Variants in CACNA1I observed in about 807,000 individuals in gnomAD.
CACNA1I encodes the protein calcium voltage-gated channel subunit alpha1 I.
Under a neutral mutation model 201.6 loss-of-function variants are expected in CACNA1I, and 74 were observed. That is an observed-to-expected ratio of 0.37 (90% CI 0.30 to 0.45). The LOEUF (loss-of-function observed/expected upper bound fraction) is 0.45, where lower values mean the gene tolerates loss of function less well. Among genes scored for constraint, CACNA1I ranks in the 20% least tolerant of loss-of-function variants. CACNA1I has a pLI of 1.00. For missense variants in CACNA1I, 2,346 were observed against 3,138.1 expected (o/e 0.75, Z 6.03); for synonymous variants, 1,431 against 1,345.2 (o/e 1.06, Z -1.40).
chr22:39,588,914 T>C (rs558863840), intron 1 of CACNA1I, among the ~76,000 whole-genome samples: 6 of 152,346 alleles, frequency 3.9e-5, no homozygotes, highest in Non-Finnish European at 7.3e-5. Context: ...CCAGCAGAGA[T>C]CCCTCCATGC....
Position 39,634,641 on chromosome 22 carries a change from C to T in CACNA1I, c.657C>T (p.Val219=). ...LGNVLLLCFF[V]FFIFGIIGVQ... is the part of the protein sequence containing the mutation. The stretch of plus-strand genomic sequence containing the variant: ...ATGTCCTGCTGCTCTGCTTCTTTGT[C>T]TTCTTCATCTTTGGCATCATAGGTG... Residue 219 remains valine, a synonymous_variant, in exon 5 of 37, where the codon GTC becomes GTT. Transcript: ENST00000402142. 6.2e-7 allele frequency: 1 copy of T among 1,613,984 alleles called. No homozygotes were observed. Among genetic ancestry groups the T allele is most frequent in the Non-Finnish European group, 8.5e-7 (1 of 1,179,890 alleles).
At chr22:39,577,772 G>C (rs116501250) in intron 1 of CACNA1I, among the ~76,000 whole-genome samples, 130 of 152,292 alleles carry the variant, frequency 8.5e-4, no homozygotes, top group Middle Eastern at 3.4e-3. Context: ...GCTCCTTTAG[G>C]GTTGGCGTTA....
At chr22:39,591,216 A>G (rs1049064134) in intron 1 of CACNA1I, among the ~76,000 whole-genome samples, 3 of 145,978 alleles carry the variant, frequency 2.1e-5, no homozygotes, top group Non-Finnish European at 3.0e-5. Context: ...CTGGAGTGCA[A>G]TGGCGCGATC....
rs1220436758 is a variant in CACNA1I, at chr22:39,665,923, C to T, written c.4021C>T (p.Arg1341Cys). ...KFYHCLGVDT[R>C]NITNRSDCMA... ...CTACCACTGTCTGGGCGTGGACACC[C>T]GCAACATCACCAACCGCTCGGACTG... Residue 1341 changes from arginine (R) to cysteine (C), a missense_variant, in exon 23 of 37, where the codon CGC (arginine) becomes TGC (cysteine). This residue lies in a region of CACNA1I where 228 missense variants were observed against 395.7 expected (regional missense o/e 0.58). Transcript: ENST00000402142. This position sits in a 1 kb window ranked among gnomAD's most constrained non-coding sequence, Gnocchi z 5.5. 6 of 1,613,812 alleles carry T rather than the reference C, an allele frequency of 3.7e-6. No homozygotes were observed. Among genetic ancestry groups the T allele is most frequent in the African/African-American group, 1.3e-5 (1 of 75,020 alleles).
chr22:39,619,119 T>C (rs1279682715), intron 3 of CACNA1I, among the ~76,000 whole-genome samples, 191 bp from the exon 4 acceptor site: 6 of 152,122 alleles, frequency 3.9e-5, no homozygotes, highest in African/African-American at 1.4e-4. Flanking sequence ...ACCGGCGCCA[T>C]TTACAGAGGA....
chr22:39,676,988 G>A lies in CACNA1I; in HGVS notation c.4855-353G>A, dbSNP rs1320729324. Among the ~76,000 whole-genome samples the A allele has an allele frequency of 1.3e-5, 2 of 152,224 alleles. No homozygotes were observed. Among genetic ancestry groups the A allele is most frequent in the Admixed American group, 1.3e-4 (2 of 15,290 alleles). On this transcript the variant is annotated intron_variant, in intron 29 of 36. Coordinates refer to ENST00000402142, the MANE Select transcript of CACNA1I (RefSeq NM_021096.4). This position sits in a 1 kb window ranked among gnomAD's most constrained non-coding sequence, Gnocchi z 4.8. ...TTACTAGCTGTGCGACTCTGGACAA[G>A]TGATGTCACCTCTCAGTCTGTCTCC...
Position 39,679,171 on chromosome 22 carries a change from C to A in CACNA1I, c.5120C>A (p.Pro1707Gln). 1 of 1,591,398 alleles carries A rather than the reference C, an allele frequency of 6.3e-7. No individual in the cohort carries two copies. Among genetic ancestry groups the A allele is most frequent in the Non-Finnish European group, 8.5e-7 (1 of 1,170,154 alleles). The change falls in exon 32 of 37, where the codon CCG becomes CAG. Residue 1707 changes from proline (P) to glutamine (Q), a missense_variant. Around this residue, in one of 13 missense-constraint regions of CACNA1I, gnomAD observed 64 missense variants for 131.8 expected, o/e 0.49. Transcript: ENST00000402142. Reference protein sequence around the residue: ...SCLSSLQFVSPLYFVSFVLTA... With the variant: ...SCLSSLQFVSQLYFVSFVLTA... ...CTGAGCAGCCTGCAGTTTGTGTCGC[C>A]GCTGTACTTCGTGAGCTTCGTGCTC...
chr22:39,636,430 C>A (rs1435761057), intron 5 of CACNA1I, among the ~76,000 whole-genome samples: 2 of 152,252 alleles, frequency 1.3e-5, no homozygotes, highest in East Asian at 3.8e-4. Flanking sequence ...GATTGCCACG[C>A]CTCCCTCTGA....
rs986031051 is a variant in CACNA1I, at chr22:39,629,688, T to A, written c.581-4877T>A. Among the ~76,000 whole-genome samples the A allele has an allele frequency of 6.6e-6, 1 of 151,978 alleles. No homozygotes were observed. The highest frequency in any genetic ancestry group is 1.5e-5 in the Non-Finnish European group (1 of 67,970). ...ACCACAGCTCTCCTGGGCCCCACAC[T>A]CAGCGCTCCGGTTTCTGTCCCACGT... is the stretch of plus-strand genomic sequence containing the variant. On this transcript the variant is annotated intron_variant, in intron 4 of 36. Transcript: ENST00000402142. The surrounding 1 kb of genome is among the most constrained non-coding windows in gnomAD (Gnocchi z 4.8).
intron 1 of CACNA1I, among the ~76,000 whole-genome samples, chr22:39,592,676 CCT>C (rs1248059678): frequency 1.3e-5 from 2 of 152,224 alleles, no homozygotes; most frequent in East Asian, 3.8e-4. Flanking sequence ...AGCCCTGCCC[CCT>C]CTGTCACCCA....
intron 3 of CACNA1I, among the ~76,000 whole-genome samples, chr22:39,608,670 C>CT (rs1933292951): frequency 7.1e-6 from 1 of 140,366 alleles, no homozygotes; most frequent in Non-Finnish European, 1.5e-5. Flanking sequence ...GAAACCACAG[C>CT]TAAAAAAAAA....
At chr22:39,578,650 C>T (rs754215392) in intron 1 of CACNA1I, among the ~76,000 whole-genome samples, 6 of 152,000 alleles carry the variant, frequency 3.9e-5, no homozygotes, top group African/African-American at 2.4e-5. Flanking sequence ...GCTGTGTACC[C>T]GGAGGGGCTG....
rs556301370 is a variant in CACNA1I, at chr22:39,582,536, A to G, written c.236+11548A>G. On this transcript the variant is annotated intron_variant, in intron 1 of 36. Transcript: ENST00000402142. ...AAACCCAGCCCAGGCAGTCTCTGAGATCTCTTGAAGCTCTGAAAGTGTAGA... is the reference window on the plus strand; with the variant it reads ...AAACCCAGCCCAGGCAGTCTCTGAGGTCTCTTGAAGCTCTGAAAGTGTAGA... Among the ~76,000 whole-genome samples, 131 of 152,164 alleles carry G rather than the reference A, an allele frequency of 8.6e-4. 2 individuals are homozygous for G. In the Middle Eastern group the frequency reaches 0.014, roughly 16 times the overall value.
chr22:39,644,626 GT>G (rs1934432177), intron 7 of CACNA1I, among the ~76,000 whole-genome samples: 1 of 152,112 alleles, frequency 6.6e-6, no homozygotes, highest in African/African-American at 2.4e-5. Context: ...CCCCAGAAAG[GT>G]GAGGGGTCCT....
At chr22:39,667,228 T>C (rs1295651476) in intron 23 of CACNA1I, among the ~76,000 whole-genome samples, 1 of 152,210 alleles carries the variant, frequency 6.6e-6, no homozygotes. Flanking sequence ...GCAGGGGGTC[T>C]TCCTCTGCTT....
intron 1 of CACNA1I, among the ~76,000 whole-genome samples, chr22:39,571,891 G>A (rs1932197120): frequency 2.0e-5 from 3 of 152,366 alleles, no homozygotes; most frequent in South Asian, 2.1e-4. Flanking sequence ...TTGGCACATC[G>A]TGGGTGCTCT....
In CACNA1I at chr22:39,649,628, G is replaced by C. The variant is rs769377192; in HGVS notation, c.1695G>C (p.Ser565=). ...CCQHEDGRRP[S]GLGSTDSGQE... ...AGCATGAGGACGGCCGGCGGCCCTC[G>C]GGCCTGGGCAGCACCGACTCGGGCC... Residue 565 remains serine (S), a synonymous_variant, in exon 10 of 37, where the codon TCG becomes TCC. Coordinates refer to ENST00000402142, the MANE Select transcript of CACNA1I (RefSeq NM_021096.4). The surrounding 1 kb of genome is among the most constrained non-coding windows in gnomAD (Gnocchi z 7.3). 2.0e-6 allele frequency: 3 copies of C among 1,529,286 alleles called. No homozygotes were observed. The highest frequency in any genetic ancestry group is 2.8e-5 in the African/African-American group (2 of 72,572). 94.7% of individuals were successfully genotyped at this position (1,529,286 alleles called of 1,614,324 possible).
At position 39,665,744 on chromosome 22, in the gene CACNA1I, T is replaced by C; in HGVS notation, c.3978+120T>C. ...ATGCGCCTTGCCAGCTGTGGGCTTC[T>C]CCTCCAGGGAGGGAGACAGACATGG... On this transcript the variant is annotated intron_variant, in intron 22 of 36. Coordinates refer to ENST00000402142, the MANE Select transcript of CACNA1I (RefSeq NM_021096.4). This position sits in a 1 kb window ranked among gnomAD's most constrained non-coding sequence, Gnocchi z 5.5. The C allele has an allele frequency of 6.5e-7, 1 of 1,539,118 alleles. No individual in the cohort carries two copies. Among genetic ancestry groups the C allele is most frequent in the African/African-American group, 1.4e-5 (1 of 73,534 alleles).
At chr22:39,620,789 C>T (rs1205389212) in intron 4 of CACNA1I, among the ~76,000 whole-genome samples, 1 of 151,976 alleles carries the variant, frequency 6.6e-6, no homozygotes, top group East Asian at 1.9e-4. Flanking sequence ...GCCCGTAGCT[C>T]TGTTGCCCAG....
Sources: gnomAD v4.1 joint callset for allele counts (sites outside exome capture counted in the v4.1 genomes callset) on GRCh38, gnomAD v4.1.1 for gene constraint, gnomAD v4.1.1 regional missense constraint, Gnocchi (gnomAD v3.1) non-coding constraint, MANE v1.5 for transcripts, NCBI Gene and HGNC (gene_info 2026-07-23, HGNC 2026-07-21) for gene names.